TIAL1: variants seen among roughly 807,000 people sequenced by gnomAD.
TIAL1 encodes the protein TIA1 cytotoxic granule associated RNA binding protein like 1.
A neutral mutation model predicts 59.7 loss-of-function variants in TIAL1; 7 were observed. The ratio of observed to expected loss-of-function variants is 0.12; its 90% CI spans 0.07 to 0.22. TIAL1 has a LOEUF of 0.22. TIAL1 is among the 10% of genes least tolerant of loss of function. The pLI is 1.00. For missense variants in TIAL1, 225 were observed against 462.5 expected (o/e 0.49, Z 4.71); for synonymous variants, 149 against 146.3 (o/e 1.02, Z -0.13).
intron 2 of TIAL1, among the ~76,000 whole-genome samples, chr10:119,584,685 T>C (rs1478101751): frequency 6.6e-6 from 1 of 151,960 alleles, no homozygotes; most frequent in Non-Finnish European, 1.5e-5. Flanking sequence ...AAAAATTAGC[T>C]GGGTGTGGTG....
intron 1 of TIAL1, among the ~76,000 whole-genome samples, chr10:119,594,864 C>T (rs1359354655): frequency 1.3e-5 from 2 of 152,152 alleles, no homozygotes; most frequent in Non-Finnish European, 2.9e-5. Flanking sequence ...ACCTCGTGAT[C>T]CGCCCACCTC....
At chr10:119,589,341 G>A (rs1433627578) in intron 1 of TIAL1, among the ~76,000 whole-genome samples, 1 of 152,146 alleles carries the variant, frequency 6.6e-6, no homozygotes, top group African/African-American at 2.4e-5. Flanking sequence ...AGGTAGCTGG[G>A]ACTACAGGCG....
At chr10:119,590,490 TC>T (rs1410190733) in intron 1 of TIAL1, among the ~76,000 whole-genome samples, 1 of 152,042 alleles carries the variant, frequency 6.6e-6, no homozygotes, top group East Asian at 1.9e-4. Flanking sequence ...GGCAGGCGGA[TC>T]ATGAGGTCAG....
At chr10:119,585,122 CAAAA>C (rs34500092) in intron 2 of TIAL1, among the ~76,000 whole-genome samples, 96 of 46,514 alleles carry the variant, frequency 2.1e-3, no homozygotes, top group African/African-American at 6.9e-3. Flanking sequence ...GATTCCATCT[CAAAA>C]AAAAAAAAAA....
In TIAL1 at chr10:119,574,473, T is replaced by C. The variant is rs1844862239; in HGVS notation, c.*1192A>G. On this transcript the variant is annotated 3_prime_UTR_variant, in exon 12 of 12. Transcript: ENST00000436547. Reference sequence around the variant, plus strand: ...TTCTTGGGCAAAATATATCTTAATTTTTAAAAACACCCCAAGATTTTTAAA... The same window carrying C: ...TTCTTGGGCAAAATATATCTTAATTCTTAAAAACACCCCAAGATTTTTAAA... 6.6e-6 allele frequency: 1 copy of C among 151,850 alleles called. No homozygotes were observed. Among genetic ancestry groups the C allele is most frequent in the African/African-American group, 2.4e-5 (1 of 41,174 alleles). 9.4% of individuals were successfully genotyped at this position (151,850 alleles called of 1,614,324 possible). A position where few individuals can be genotyped will look rare whatever the true frequency, so the allele number is the denominator to read the frequency against.
At chr10:119,584,018 G>A (rs1845421234) in intron 2 of TIAL1, among the ~76,000 whole-genome samples, 1 of 152,106 alleles carries the variant, frequency 6.6e-6, no homozygotes, top group Admixed American at 6.5e-5. Context: ...TTGCCCCAAT[G>A]GTCTCTAAGG....
At chr10:119,593,169 C>G (rs1338962619) in intron 1 of TIAL1, among the ~76,000 whole-genome samples, 1 of 152,148 alleles carries the variant, frequency 6.6e-6, no homozygotes, top group Non-Finnish European at 1.5e-5. Context: ...TACACACAAC[C>G]CAAGCCTGAA....
intron 1 of TIAL1, among the ~76,000 whole-genome samples, chr10:119,592,763 T>TCA (rs55740460): frequency 0.037 from 5,568 of 149,926 alleles, 344 homozygotes; most frequent in African/African-American, 0.12. Context: ...TGAGATATTC[T>TCA]CACACACACA....
Position 119,577,647 on chromosome 10 carries a change from A to T in TIAL1, c.646T>A (p.Leu216Ile). 2 of 1,614,066 alleles carry T rather than the reference A, an allele frequency of 1.2e-6. No individual in the cohort carries two copies. The highest frequency in any genetic ancestry group is 1.7e-6 in the Non-Finnish European group (2 of 1,179,932). ...AGAAAACCAAACATTGTACCTGTTAACCCAGACGCAATTCCTCCACAGTAC... is the reference window on the plus strand; with the variant it reads ...AGAAAACCAAACATTGTACCTGTTATCCCAGACGCAATTCCTCCACAGTAC... ...TVYCGGIASG[L>I]TDQLMRQTFS... Residue 216 changes from leucine to isoleucine, a missense_variant, in exon 8 of 12, where the codon TTA becomes ATA. Around this residue, in one of 4 missense-constraint regions of TIAL1, gnomAD observed 80 missense variants for 158.8 expected, o/e 0.50. Coordinates refer to ENST00000436547, the MANE Select transcript of TIAL1 (RefSeq NM_003252.4).
chr10:119,592,983 G>A (rs1845967298), intron 1 of TIAL1, among the ~76,000 whole-genome samples: 1 of 152,156 alleles, frequency 6.6e-6, no homozygotes, highest in African/African-American at 2.4e-5. Flanking sequence ...TTTCCAGGAA[G>A]AAAGAATAGC....
At chr10:119,579,612 A>G (rs1845206209) in intron 6 of TIAL1, among the ~76,000 whole-genome samples, 1 of 152,220 alleles carries the variant, frequency 6.6e-6, no homozygotes, top group Admixed American at 6.5e-5. Context: ...ACTGAATATA[A>G]TTTACCTAAC....
At chr10:119,579,776 G>A (rs1200033712) in intron 6 of TIAL1, among the ~76,000 whole-genome samples, 159 bp downstream of exon 6, 1 of 151,866 alleles carries the variant, frequency 6.6e-6, no homozygotes, top group Non-Finnish European at 1.5e-5. Flanking sequence ...TATGAAAGAG[G>A]AATGAAATTA....
At chr10:119,590,772 GAAAGAA>G (rs1564744744) in intron 1 of TIAL1, among the ~76,000 whole-genome samples, 33 of 110,282 alleles carry the variant, frequency 3.0e-4, no homozygotes, top group African/African-American at 7.5e-4. Flanking sequence ...GAGAAAGAAA[GAAAGAA>G]AGAAAGAAAG....
chr10:119,577,063 A>C lies in TIAL1; in HGVS notation c.861+17T>G, dbSNP rs202048050. 4.3e-6 allele frequency: 7 copies of C among 1,612,140 alleles called. No homozygotes were observed. Among genetic ancestry groups the C allele is most frequent in the Non-Finnish European group, 5.9e-6 (7 of 1,179,236 alleles). ...TAAGATGGAAACCTTAAAGAATGCT[A>C]TGAAAAATCGAATTACCTGTTGGAA... On this transcript the variant is annotated intron_variant, in intron 10 of 11. Coordinates refer to ENST00000436547, the MANE Select transcript of TIAL1 (RefSeq NM_003252.4).
At position 119,574,785 on chromosome 10, in the gene TIAL1, G is replaced by A. The variant is rs372483277; in HGVS notation, c.*880C>T. ...ATCAATCCACTGCATTCAATGCAGC[G>A]GAGTGTGTTAAGTGTTACTTCAAAT... On this transcript the variant is annotated 3_prime_UTR_variant, in exon 12 of 12. Transcript: ENST00000436547. The A allele has an allele frequency of 2.0e-5, 3 of 152,578 alleles. No homozygotes were observed. Among genetic ancestry groups the A allele is most frequent in the East Asian group, 1.9e-4 (1 of 5,188 alleles). 9.5% of individuals were successfully genotyped at this position (152,578 alleles called of 1,614,324 possible).
At chr10:119,576,056 T>C (rs1280064507) in intron 11 of TIAL1, among the ~76,000 whole-genome samples, 1 of 152,182 alleles carries the variant, frequency 6.6e-6, no homozygotes, top group East Asian at 1.9e-4. Context: ...AAATTGTGAA[T>C]GATTCAACAC....
intron 2 of TIAL1, among the ~76,000 whole-genome samples, chr10:119,584,935 T>C (rs1845482404): frequency 6.6e-6 from 1 of 151,442 alleles, no homozygotes; most frequent in African/African-American, 2.4e-5. Context: ...TGAAACCTTG[T>C]CTCTATTAAA....
chr10:119,594,626 AT>A (rs753068323), intron 1 of TIAL1, among the ~76,000 whole-genome samples: 2 of 150,826 alleles, frequency 1.3e-5, no homozygotes, highest in African/African-American at 2.4e-5. Flanking sequence ...GAAGGATAAA[AT>A]TTTTTTTTTA....
intron 1 of TIAL1, among the ~76,000 whole-genome samples, chr10:119,588,710 A>T (rs2133992405): frequency 6.6e-6 from 1 of 152,324 alleles, no homozygotes; most frequent in South Asian, 2.1e-4. Context: ...TGATCCTATG[A>T]AAGTAAGATT....
Sources: gnomAD v4.1 joint callset for allele counts (sites outside exome capture counted in the v4.1 genomes callset) on GRCh38, gnomAD v4.1.1 for gene constraint, gnomAD v4.1.1 regional missense constraint, MANE v1.5 for transcripts, NCBI Gene and HGNC (gene_info 2026-07-23, HGNC 2026-07-21) for gene names.